UTS2B: variants seen among roughly 807,000 people sequenced by gnomAD.
UTS2B encodes urotensin 2B, also known as urotensin-2B.
UTS2B carries 21 observed loss-of-function variants against 19.2 expected under a neutral mutation model. That is an observed-to-expected ratio of 1.09 (90% CI 0.78 to 1.58). UTS2B has a LOEUF of 1.58. Ranked by LOEUF, UTS2B falls within the 40% of genes most tolerant of loss-of-function variation. The pLI is 0.00. For synonymous variants in UTS2B, 57 were observed against 50.2 expected (o/e 1.14, Z -0.58); for missense variants, 138 against 130.3 (o/e 1.06, Z -0.29).
intron 2 of UTS2B, among the ~76,000 whole-genome samples, chr3:191,325,014 C>T (rs906333981): frequency 6.6e-6 from 1 of 151,966 alleles, no homozygotes; most frequent in African/African-American, 2.4e-5. Flanking sequence ...TGTGCCACTG[C>T]ACTCCAGCCT....
chr3:191,336,021 T>G, the UTS2B span, among the ~76,000 whole-genome samples: 10 of 152,150 alleles, frequency 6.6e-5, no homozygotes, highest in Non-Finnish European at 1.3e-4. Flanking sequence ...TAGTAAGTAG[T>G]TTTTTGAGTC....
At chr3:191,273,560 T>C (rs765178682) in intron 8 of UTS2B, 9 of 456,622 alleles carry the variant, frequency 2.0e-5, no homozygotes, top group South Asian at 1.4e-4. Context: ...TTCTGGATGA[T>C]AGGGCTACAG....
At chr3:191,319,041 C>T (rs1214041137) in intron 2 of UTS2B, among the ~76,000 whole-genome samples, 3 of 151,988 alleles carry the variant, frequency 2.0e-5, no homozygotes, top group Non-Finnish European at 2.9e-5. Context: ...CTCTATCATA[C>T]GAGATGTTTA....
chr3:191,273,748 T>C (rs1716156017), intron 8 of UTS2B, among the ~76,000 whole-genome samples: 1 of 152,262 alleles, frequency 6.6e-6, no homozygotes, highest in Admixed American at 6.5e-5. Flanking sequence ...TCTCCTCCAG[T>C]TATCCTTGGC....
the UTS2B span, among the ~76,000 whole-genome samples, chr3:191,336,666 A>G: frequency 6.6e-6 from 1 of 152,164 alleles, no homozygotes; most frequent in African/African-American, 2.4e-5. Flanking sequence ...CCTACTTGAT[A>G]TTAGCTAAAT....
the UTS2B span, among the ~76,000 whole-genome samples, chr3:191,343,531 A>T: frequency 6.6e-6 from 1 of 152,266 alleles, no homozygotes; most frequent in Admixed American, 6.5e-5. Context: ...TGAACAATTT[A>T]AAAACAGCAG....
chr3:191,280,466 A>T (rs969524141), intron 5 of UTS2B, among the ~76,000 whole-genome samples: 2 of 152,122 alleles, frequency 1.3e-5, no homozygotes, highest in African/African-American at 4.8e-5. Flanking sequence ...TTAGAAGACT[A>T]AAAGAAGTCA....
At chr3:191,299,656 G>A (rs1576925368) in intron 4 of UTS2B, among the ~76,000 whole-genome samples, 1 of 152,270 alleles carries the variant, frequency 6.6e-6, no homozygotes, top group African/African-American at 2.4e-5. Context: ...CTAAAGCAGT[G>A]CAGAGGGGAA....
intron 3 of UTS2B, among the ~76,000 whole-genome samples, chr3:191,311,121 T>C (rs769785113): frequency 1.3e-5 from 2 of 152,330 alleles, no homozygotes; most frequent in Non-Finnish European, 2.9e-5. Context: ...GGATCAAAAC[T>C]CCATTTAACA....
intron 4 of UTS2B, among the ~76,000 whole-genome samples, chr3:191,289,191 C>T (rs982671534): frequency 2.0e-5 from 3 of 152,010 alleles, no homozygotes; most frequent in Non-Finnish European, 2.9e-5. Flanking sequence ...GGGTGGATCA[C>T]GAAGTCAGGA....
intron 2 of UTS2B, among the ~76,000 whole-genome samples, chr3:191,325,274 T>A (rs1046843362): frequency 3.3e-5 from 5 of 152,040 alleles, no homozygotes; most frequent in African/African-American, 9.7e-5. Context: ...GGATATGAGC[T>A]TTAAAGAAGT....
the UTS2B span, among the ~76,000 whole-genome samples, chr3:191,343,254 C>T: frequency 6.6e-6 from 1 of 152,064 alleles, no homozygotes; most frequent in Non-Finnish European, 1.5e-5. Context: ...ATTACAGGGG[C>T]GTAAACATAA....
At chr3:191,316,509 AG>A (rs1433316211) in intron 2 of UTS2B, 70 bp from the exon 3 acceptor site, 1 of 152,196 alleles carries the variant, frequency 6.6e-6, no homozygotes, top group Admixed American at 6.5e-5. Context: ...CTGCTAGCTC[AG>A]CAGCCTGCTT....
intron 2 of UTS2B, among the ~76,000 whole-genome samples, chr3:191,326,447 G>A (rs995356753): frequency 6.6e-6 from 1 of 151,698 alleles, no homozygotes; most frequent in Admixed American, 6.6e-5. Context: ...GCATTTTATT[G>A]TTACCAAATT....
intron 2 of UTS2B, among the ~76,000 whole-genome samples, chr3:191,317,239 G>T (rs112433419): frequency 0.19 from 28,563 of 152,244 alleles, 3,028 homozygotes; most frequent in Non-Finnish European, 0.23. Flanking sequence ...CTGCTGGCCC[G>T]GGTGCTAAGC....
intron 4 of UTS2B, among the ~76,000 whole-genome samples, chr3:191,283,298 A>C (rs1270741180): frequency 6.6e-6 from 1 of 152,180 alleles, no homozygotes; most frequent in Non-Finnish European, 1.5e-5. Flanking sequence ...CACTTTCTGC[A>C]CTTCAGAGAG....
intron 3 of UTS2B, among the ~76,000 whole-genome samples, chr3:191,315,796 TA>T (rs995760687): frequency 1.1e-4 from 17 of 152,258 alleles, no homozygotes; most frequent in African/African-American, 4.1e-4. Context: ...AATATGTTTT[TA>T]AATTTTATTA....
intron 3 of UTS2B, among the ~76,000 whole-genome samples, chr3:191,305,458 C>CA (rs1717111505): frequency 6.6e-6 from 1 of 152,132 alleles, no homozygotes; most frequent in South Asian, 2.1e-4. Context: ...TGGCCACATG[C>CA]ATGTCTTCTT....
chr3:191,314,492 T>C (rs1359107082), intron 3 of UTS2B, among the ~76,000 whole-genome samples: 1 of 152,204 alleles, frequency 6.6e-6, no homozygotes, highest in African/African-American at 2.4e-5. Flanking sequence ...TCATGGGTCA[T>C]TGTGATATTG....
Sources: gnomAD v4.1 joint callset for allele counts (sites outside exome capture counted in the v4.1 genomes callset) on GRCh38, gnomAD v4.1.1 for gene constraint, MANE v1.5 for transcripts, NCBI Gene and HGNC (gene_info 2026-07-23, HGNC 2026-07-21) for gene names.